Variants in NTNG1 observed in about 807,000 individuals in gnomAD.
NTNG1 encodes netrin G1.
A neutral mutation model predicts 54.0 loss-of-function variants in NTNG1; 16 were observed. That is an observed-to-expected ratio of 0.30 (90% confidence interval 0.20 to 0.45). The LOEUF (loss-of-function observed/expected upper bound fraction) is 0.45, where lower values mean the gene tolerates loss of function less well. NTNG1 is among the 20% of genes least tolerant of loss of function. The pLI is 1.00. For synonymous variants in NTNG1, 255 were observed against 263.1 expected, an observed-to-expected ratio of 0.97 and a Z score of 0.30; for missense variants, 530 against 678.7, an observed-to-expected ratio of 0.78 and a Z score of 2.43.
At chr1:107,167,660 C>T (rs1158177712) in intron 2 of NTNG1, among the ~76,000 whole-genome samples, 1 of 151,834 alleles carries the variant, frequency 6.6e-6, no homozygotes, top group Admixed American at 6.6e-5. Context: ...TGCTGGATAT[C>T]ATTAAGGTGA....
intron 6 of NTNG1, among the ~76,000 whole-genome samples, chr1:107,432,650 G>T (rs1675343446): frequency 6.6e-6 from 1 of 152,196 alleles, no homozygotes; most frequent in Middle Eastern, 3.4e-3. Flanking sequence ...TCATGCTATA[G>T]ATAGGTAAAC....
intron 7 of NTNG1, among the ~76,000 whole-genome samples, chr1:107,458,045 A>T (rs1000942040): frequency 3.3e-5 from 5 of 152,182 alleles, no homozygotes; most frequent in African/African-American, 1.2e-4. Flanking sequence ...GCCCAAGTGC[A>T]GATATATTCA....
At chr1:107,308,683 G>T (rs1166964138) in intron 2 of NTNG1, among the ~76,000 whole-genome samples, 1 of 152,114 alleles carries the variant, frequency 6.6e-6, no homozygotes, top group African/African-American at 2.4e-5. Context: ...TTCTAATTCT[G>T]TGAAATAATG....
At chr1:107,440,644 G>A (rs947822516) in intron 7 of NTNG1, among the ~76,000 whole-genome samples, 4 of 152,152 alleles carry the variant, frequency 2.6e-5, no homozygotes, top group African/African-American at 9.7e-5. Flanking sequence ...CAATGTTACT[G>A]TAGAACTTGT....
chr1:107,412,792 G>T (rs544520052), intron 5 of NTNG1, among the ~76,000 whole-genome samples: 264 of 152,286 alleles, frequency 1.7e-3, no homozygotes, highest in African/African-American at 6.1e-3. Context: ...TTGAGGAAGA[G>T]GGAAAATGTA....
At chr1:107,268,935 C>T (rs1663943926) in intron 2 of NTNG1, among the ~76,000 whole-genome samples, 1 of 152,132 alleles carries the variant, frequency 6.6e-6, no homozygotes, top group African/African-American at 2.4e-5. Flanking sequence ...AAGCCATTGT[C>T]ATCTCCCATG....
intron 2 of NTNG1, among the ~76,000 whole-genome samples, chr1:107,239,794 A>G (rs1464646572): frequency 6.6e-6 from 1 of 152,186 alleles, no homozygotes; most frequent in Non-Finnish European, 1.5e-5. Context: ...GGTTAAATAA[A>G]AAAAAAATGT....
At position 107,483,289 on chromosome 1, in the gene NTNG1, CTAAAATTTAA is replaced by C. The variant is rs1678837685; in HGVS notation, c.*2451_*2460del. The C allele has an allele frequency of 6.6e-6, 1 of 152,142 alleles. No homozygotes were observed. Among genetic ancestry groups the C allele is most frequent in the Non-Finnish European group, 1.5e-5 (1 of 68,028 alleles). 9.4% of individuals were successfully genotyped at this position (152,142 alleles called of 1,614,324 possible). ...ATAGTTGGGATTCCAAAAGCTAATT[CTAAAATTTAA>C]TGAAGGCCTGATTTAAACTGATTCA... On this transcript the variant is annotated 3_prime_UTR_variant, in exon 8 of 8. Transcript: ENST00000370068.
chr1:107,182,372 A>C (rs974838011), intron 2 of NTNG1, among the ~76,000 whole-genome samples: 2 of 152,144 alleles, frequency 1.3e-5, no homozygotes, highest in African/African-American at 4.8e-5. Flanking sequence ...GGTCAAAGCC[A>C]AGTGAAGAAA....
At chr1:107,211,838 A>T (rs1372032195) in intron 2 of NTNG1, among the ~76,000 whole-genome samples, 1 of 152,228 alleles carries the variant, frequency 6.6e-6, no homozygotes. Context: ...ATGAAAGTAC[A>T]ATCAAGCACT....
At chr1:107,157,267 G>A (rs1655070778) in intron 2 of NTNG1, among the ~76,000 whole-genome samples, 1 of 152,124 alleles carries the variant, frequency 6.6e-6, no homozygotes, top group Admixed American at 6.6e-5. Flanking sequence ...AAGTTTTTGA[G>A]ATAAACTGTT....
chr1:107,395,477 A>C, intron 4 of NTNG1, 151 bp downstream of exon 4: 15 of 781,880 alleles, frequency 1.9e-5, no homozygotes, highest in East Asian at 4.9e-5. Flanking sequence ...ATCTTACCTC[A>C]TGTAGACATC....
intron 2 of NTNG1, among the ~76,000 whole-genome samples, chr1:107,243,084 A>G (rs1661953366): frequency 6.6e-6 from 1 of 152,208 alleles, no homozygotes; most frequent in Non-Finnish European, 1.5e-5. Context: ...TAACTTGTGA[A>G]CTTGACTTTT....
intron 2 of NTNG1, among the ~76,000 whole-genome samples, chr1:107,298,179 G>T (rs990029708): frequency 1.3e-5 from 2 of 152,076 alleles, no homozygotes; most frequent in African/African-American, 4.8e-5. Context: ...GGGATAAAAA[G>T]ACCCCAAAAT....
chr1:107,394,556 C>T (rs1379171231), intron 3 of NTNG1, among the ~76,000 whole-genome samples: 1 of 152,176 alleles, frequency 6.6e-6, no homozygotes, highest in Non-Finnish European at 1.5e-5. Context: ...TCTCACCCCC[C>T]TTCGGGTCTG....
intron 2 of NTNG1, among the ~76,000 whole-genome samples, chr1:107,157,718 A>T (rs1655106446): frequency 6.6e-6 from 1 of 151,948 alleles, no homozygotes; most frequent in Non-Finnish European, 1.5e-5. Flanking sequence ...TGGCTATTTA[A>T]ATTTCTTTAT....
chr1:107,394,326 G>T (rs1672549613), intron 3 of NTNG1, among the ~76,000 whole-genome samples: 1 of 152,158 alleles, frequency 6.6e-6, no homozygotes, highest in South Asian at 2.1e-4. Flanking sequence ...TATTTTTGTG[G>T]AAATTGCATA....
chr1:107,341,815 C>A (rs1668911932), intron 3 of NTNG1, among the ~76,000 whole-genome samples: 1 of 152,036 alleles, frequency 6.6e-6, no homozygotes, highest in South Asian at 2.1e-4. Context: ...AGTTCTATTT[C>A]TCTTCTGGCT....
At chr1:107,188,171 G>C (rs1312266442) in intron 2 of NTNG1, among the ~76,000 whole-genome samples, 1 of 151,866 alleles carries the variant, frequency 6.6e-6, no homozygotes, top group Non-Finnish European at 1.5e-5. Context: ...CAGTTCCGTA[G>C]TCCTGATTGA....
Sources: allele counts gnomAD v4.1 joint callset (sites outside exome capture counted in the v4.1 genomes callset), GRCh38; gene constraint gnomAD v4.1.1; transcripts MANE v1.5; gene names NCBI Gene and HGNC (gene_info 2026-07-23, HGNC 2026-07-21).